Variants in UACA observed in about 807,000 individuals in gnomAD.
UACA encodes uveal autoantigen with coiled-coil domains and ankyrin repeats.
In UACA, 112 loss-of-function variants were observed where a neutral mutation model predicts 160.5. That is an observed-to-expected ratio of 0.70 (90% CI 0.60 to 0.82). The LOEUF is 0.82. UACA is among the 40% of genes least tolerant of loss of function. The pLI is 0.00. For missense variants in UACA, 1,574 were observed against 1,614.6 expected (o/e 0.97, Z 0.43); for synonymous variants, 557 against 568.4 (o/e 0.98, Z 0.29).
chr15:70,765,060 T>G (rs8037348), upstream of UACA, among the ~76,000 whole-genome samples: 27,626 of 152,182 alleles, frequency 0.18, 3,812 homozygotes, highest in African/African-American at 0.39. Flanking sequence ...TCTAATTCTT[T>G]GCATTTAAAG....
At chr15:70,751,590 G>A (rs945405620) in intron 1 of UACA, among the ~76,000 whole-genome samples, 7 of 152,176 alleles carry the variant, frequency 4.6e-5, no homozygotes, top group African/African-American at 1.7e-4. Context: ...TTTTCCAAAT[G>A]AAGAAACAAA....
chr15:70,709,634 T>C lies in UACA; in HGVS notation c.79-9974A>G, dbSNP rs1020307887. On this transcript the variant is annotated intron_variant, in intron 1 of 18. Transcript: ENST00000322954. ...TTAAAAACTTTACATCTAGACTCTT[T>C]TCTGTTAAAAAGTCTGAACAAGATT... Among the ~76,000 whole-genome samples, 5 of 152,296 alleles carry C rather than the reference T, an allele frequency of 3.3e-5. 1 individual carries two copies. The South Asian group carries it at 8.3e-4, about 25-fold the overall frequency.
intron 11 of UACA, among the ~76,000 whole-genome samples, chr15:70,677,651 AC>A (rs1471962442): frequency 6.6e-6 from 1 of 152,220 alleles, no homozygotes; most frequent in Non-Finnish European, 1.5e-5. Context: ...AACTGATGAT[AC>A]TAGATTTCAT....
intron 9 of UACA, among the ~76,000 whole-genome samples, chr15:70,681,355 A>C (rs1273842356): frequency 1.3e-5 from 2 of 152,096 alleles, no homozygotes; most frequent in Non-Finnish European, 2.9e-5. Context: ...AACAGAGATT[A>C]CATGTGCCTT....
At chr15:70,727,724 T>C (rs1313752827) in intron 1 of UACA, among the ~76,000 whole-genome samples, 1 of 152,248 alleles carries the variant, frequency 6.6e-6, no homozygotes, top group African/African-American at 2.4e-5. Flanking sequence ...ATGTTTAATG[T>C]ATTAATTACT....
intron 10 of UACA, among the ~76,000 whole-genome samples, chr15:70,678,870 A>C (rs1238886809): frequency 6.6e-6 from 1 of 152,198 alleles, no homozygotes; most frequent in African/African-American, 2.4e-5. Flanking sequence ...AAAATACTTT[A>C]AGAAAAAAAT....
At chr15:70,677,183 C>G (rs1294125830) in intron 11 of UACA, 43 bp from the exon 12 acceptor site, 1 of 1,496,046 alleles carries the variant, frequency 6.7e-7, no homozygotes, top group South Asian at 1.2e-5. Context: ...TCTTAAAAGC[C>G]TATTTTAAAA....
intron 18 of UACA, among the ~76,000 whole-genome samples, chr15:70,659,391 G>GTTTTTT (rs1375150038): frequency 5.7e-3 from 57 of 9,950 alleles, no homozygotes; most frequent in African/African-American, 9.3e-3. Context: ...TTCATTTTTT[G>GTTTTTT]TTTGTTTTTT....
chr15:70,759,226 T>C (rs1364657062), intron 1 of UACA, among the ~76,000 whole-genome samples: 4 of 152,206 alleles, frequency 2.6e-5, no homozygotes. Flanking sequence ...TTTCCTAAAC[T>C]AGGTGAAAAT....
intron 1 of UACA, among the ~76,000 whole-genome samples, chr15:70,741,310 ATC>A (rs1324847057): frequency 1.3e-5 from 2 of 152,284 alleles, no homozygotes; most frequent in Admixed American, 1.3e-4. Context: ...ACTCTTCACT[ATC>A]TCTGTGTCCC....
intron 1 of UACA, among the ~76,000 whole-genome samples, chr15:70,735,441 A>C (rs1364863290): frequency 6.6e-6 from 1 of 152,084 alleles, no homozygotes; most frequent in African/African-American, 2.4e-5. Context: ...AGAAGCTAAC[A>C]TTCCTAAACC....
At chr15:70,701,732 C>T (rs1181730337) in intron 1 of UACA, 1 of 696,490 alleles carries the variant, frequency 1.4e-6, no homozygotes, top group African/African-American at 1.8e-5. Context: ...TTTACTATTA[C>T]TAACCCCAAT....
At chr15:70,662,114 ATC>A (rs1332735191) in intron 17 of UACA, among the ~76,000 whole-genome samples, 54 of 152,224 alleles carry the variant, frequency 3.5e-4, no homozygotes, top group Non-Finnish European at 4.3e-4. Context: ...AGAAAACCCC[ATC>A]ATCTCAGCCC....
Position 70,669,289 on chromosome 15 carries a change from A to G in UACA, c.1395T>C (p.Asn465=), listed in dbSNP as rs1897054970. ...SAKQDRLKLQ[N]ELAHKVAECK... ...ATTCTGCCACTTTGTGTGCCAGTTC[A>G]TTTTGGAGCTTCAGTCGGTCTTGTT... Residue 465 remains asparagine, a synonymous_variant, in exon 16 of 19, where the codon AAT becomes AAC. Transcript: ENST00000322954. The G allele has an allele frequency of 6.8e-6, 11 of 1,613,928 alleles. 1 individual carries two copies. In the East Asian group the frequency reaches 2.5e-4, roughly 36 times the overall value.
Position 70,671,977 on chromosome 15 carries a change from G to T in UACA, c.1156C>A (p.His386Asn). 6.3e-7 allele frequency: 1 copy of T among 1,595,138 alleles called. No individual in the cohort carries two copies. The highest frequency in any genetic ancestry group is 1.2e-5 in the South Asian group (1 of 86,926). Residue 386 changes from histidine to asparagine, a missense_variant, in exon 14 of 19, where the codon CAT (histidine) becomes AAT (asparagine). His to Asn is a moderately conservative substitution (Grantham distance 68). Transcript: ENST00000322954. ...FESDHLGSGS[H>N]FSNRKEDMLL... The stretch of plus-strand genomic sequence containing the variant: ...CTTTTATACTTACGGTTACTGAAAT[G>T]ACTTCCTGATCCTAAATGATCACTC...
chr15:70,716,410 C>T (rs1898822829), intron 1 of UACA, among the ~76,000 whole-genome samples: 1 of 152,104 alleles, frequency 6.6e-6, no homozygotes, highest in Admixed American at 6.5e-5. Context: ...TAGCAGAGTC[C>T]AGCCCAAATT....
intron 17 of UACA, among the ~76,000 whole-genome samples, chr15:70,662,117 A>T (rs551180827): frequency 6.6e-6 from 1 of 152,180 alleles, no homozygotes; most frequent in Non-Finnish European, 1.5e-5. Context: ...AAACCCCATC[A>T]TCTCAGCCCA....
chr15:70,661,584 A>G (rs1896707816), intron 17 of UACA: 2 of 152,184 alleles, frequency 1.3e-5, no homozygotes, highest in Admixed American at 1.3e-4. Flanking sequence ...AAATAACTCA[A>G]ACAATTCTAT....
the UACA span, among the ~76,000 whole-genome samples, chr15:70,770,665 C>A: frequency 6.6e-6 from 1 of 152,114 alleles, no homozygotes; most frequent in Non-Finnish European, 1.5e-5. Context: ...CTCCCTGGAC[C>A]TAAACAATAA....
Sources: gnomAD v4.1 joint callset for allele counts (sites outside exome capture counted in the v4.1 genomes callset) on GRCh38, gnomAD v4.1.1 for gene constraint, MANE v1.5 for transcripts, NCBI Gene and HGNC (gene_info 2026-07-23, HGNC 2026-07-21) for gene names.